Variants in PASD1 observed in about 807,000 individuals in gnomAD.
PASD1 encodes the protein circadian clock protein PASD1.
PASD1 carries 13 observed loss-of-function variants against 58.8 expected under a neutral mutation model. That is an observed-to-expected ratio of 0.22 (90% CI 0.14 to 0.35). The LOEUF is 0.35. Ranked by LOEUF, PASD1 falls within the 10% of genes least tolerant of loss-of-function variation. The pLI is 1.00. For synonymous variants in PASD1, 236 were observed against 216.7 expected, an observed-to-expected ratio of 1.09 and a Z score of -0.78; for missense variants, 734 against 568.3, an observed-to-expected ratio of 1.29 and a Z score of -2.96.
intron 1 of PASD1, among the ~76,000 whole-genome samples, chrX:151,573,727 G>A (rs2012960104): frequency 8.9e-6 from 1 of 112,281 alleles, no homozygotes; most frequent in Admixed American, 9.4e-5. Context: ...ATGAGCAAAG[G>A]CTGGGCAGTA....
intron 1 of PASD1, among the ~76,000 whole-genome samples, chrX:151,581,073 C>G (rs1015098379): frequency 4.6e-5 from 5 of 108,429 alleles, no homozygotes; most frequent in African/African-American, 1.7e-4. Flanking sequence ...ACAAAAAATA[C>G]AAAAATTAGC....
Position 151,669,547 on chromosome X carries a change from T to C in PASD1, c.1072-1491T>C, listed in dbSNP as rs770149255. 4.5e-3 allele frequency among the ~76,000 whole-genome samples: 498 copies of C among 110,808 alleles called. 2 individuals carry two copies. Among genetic ancestry groups the C allele is most frequent in the African/African-American group, 6.6e-3 (201 of 30,512 alleles). On this transcript the variant is annotated intron_variant, in intron 11 of 15. Coordinates refer to ENST00000370357, the MANE Select transcript of PASD1 (RefSeq NM_173493.3). ...AATCAACTTCTCTTCATCCCCCTCT[T>C]CCCCATTCCCTTCCTAGCCTCTGGT...
chrX:151,586,046 G>A (rs1340647655), intron 1 of PASD1, among the ~76,000 whole-genome samples: 1 of 111,573 alleles, frequency 9.0e-6, no homozygotes, highest in African/African-American at 3.3e-5. Flanking sequence ...GGAAGAGGAA[G>A]CAGATTGCTT....
chrX:151,576,375 T>C (rs2013006120), intron 1 of PASD1, among the ~76,000 whole-genome samples: 1 of 112,148 alleles, frequency 8.9e-6, no homozygotes, highest in Admixed American at 9.5e-5. Flanking sequence ...GCTTAAAGCA[T>C]AGGCCAAGAT....
intron 8 of PASD1, among the ~76,000 whole-genome samples, chrX:151,630,286 C>T (rs982670471): frequency 1.8e-5 from 2 of 111,666 alleles, no homozygotes; most frequent in Admixed American, 9.5e-5. Context: ...TGTTGGTGGA[C>T]CTGGCTGGCC....
At chrX:151,670,735 G>C (rs1479102753) in intron 11 of PASD1, among the ~76,000 whole-genome samples, 1 of 111,909 alleles carries the variant, frequency 8.9e-6, no homozygotes, top group Non-Finnish European at 1.9e-5. Flanking sequence ...AGAATACTTT[G>C]GCACTGGCCC....
intron 9 of PASD1, among the ~76,000 whole-genome samples, chrX:151,652,349 T>C (rs1458762073): frequency 9.1e-6 from 1 of 110,393 alleles, no homozygotes; most frequent in African/African-American, 3.3e-5. Flanking sequence ...CTGACCAATA[T>C]GGTGAAACCC....
At chrX:151,662,570 C>A (rs1243057963) in intron 10 of PASD1, among the ~76,000 whole-genome samples, 4 of 111,170 alleles carry the variant, frequency 3.6e-5, no homozygotes, top group Non-Finnish European at 7.5e-5. Context: ...GATGTCTATT[C>A]ATACTAACCC....
intron 11 of PASD1, among the ~76,000 whole-genome samples, chrX:151,670,345 T>A (rs1341505959): frequency 8.9e-6 from 1 of 112,021 alleles, no homozygotes; most frequent in Non-Finnish European, 1.9e-5. Flanking sequence ...CTCGGCTGCC[T>A]GAACCTGTAC....
intron 1 of PASD1, among the ~76,000 whole-genome samples, chrX:151,596,670 T>C (rs944205719): frequency 8.9e-6 from 1 of 112,545 alleles, no homozygotes; most frequent in African/African-American, 3.2e-5. Context: ...ACAGCAACCT[T>C]GCTGGACTAT....
At chrX:151,580,899 A>G (rs1484572685) in intron 1 of PASD1, among the ~76,000 whole-genome samples, 1 of 111,324 alleles carries the variant, frequency 9.0e-6, no homozygotes, top group African/African-American at 3.3e-5. Flanking sequence ...ATTGTTTACT[A>G]TACAGTAAAA....
chrX:151,599,713 C>T (rs887580857), intron 1 of PASD1, among the ~76,000 whole-genome samples: 11 of 108,101 alleles, frequency 1.0e-4, no homozygotes, highest in South Asian at 4.2e-4. Flanking sequence ...AATGGGCGGC[C>T]GGGCAGAGAC....
At chrX:151,564,034 G>A (rs747524342) in intron 1 of PASD1, among the ~76,000 whole-genome samples, 195 bp downstream of exon 1, 3 of 112,499 alleles carry the variant, frequency 2.7e-5, no homozygotes, top group South Asian at 3.7e-4. Context: ...GGGTGGCAGC[G>A]GGTAGCTGGG....
At chrX:151,653,148 G>A (rs2014154137) in intron 9 of PASD1, among the ~76,000 whole-genome samples, 1 of 107,506 alleles carries the variant, frequency 9.3e-6, no homozygotes, top group Non-Finnish European at 1.9e-5. Context: ...ATGAGAAGTG[G>A]TCAGATTCTG....
At chrX:151,612,160 A>G (rs373043172) in intron 4 of PASD1, among the ~76,000 whole-genome samples, 19,338 of 78,595 alleles carry the variant, frequency 0.25, 2,981 homozygotes, top group Middle Eastern at 0.28. Flanking sequence ...ATCCTTTTTT[A>G]TGGCTGCATA....
At chrX:151,568,085 A>C (rs754395738) in intron 1 of PASD1, among the ~76,000 whole-genome samples, 5 of 112,225 alleles carry the variant, frequency 4.5e-5, no homozygotes, top group African/African-American at 1.6e-4. Context: ...TTACACTGAA[A>C]CTTTACATTT....
Position 151,672,175 on chromosome X carries a change from C to T in PASD1, c.1438-8C>T, listed in dbSNP as rs188063315. ...CAGGGTGCTTTTATCTGTTGCCTTTCGATGCAGCAGCAACTGGTGCAGCAA... is the reference window on the plus strand; with the variant it reads ...CAGGGTGCTTTTATCTGTTGCCTTTTGATGCAGCAGCAACTGGTGCAGCAA... On this transcript the variant is annotated splice_region_variant and splice_polypyrimidine_tract_variant and intron_variant, in intron 13 of 15. Transcript: ENST00000370357. 5.6e-5 allele frequency: 64 copies of T among 1,140,995 alleles called. No homozygotes were observed. The highest frequency in any genetic ancestry group is 1.0e-4 in the South Asian group (5 of 48,608). The allele number at this position is 1,140,995 out of a possible 1,213,427, so 94.0% of individuals were successfully genotyped here.
At chrX:151,612,740 G>A (rs1461979651) in intron 4 of PASD1, among the ~76,000 whole-genome samples, 1 of 111,133 alleles carries the variant, frequency 9.0e-6, no homozygotes, top group Non-Finnish European at 1.9e-5. Flanking sequence ...TGAGTAGATT[G>A]CAAAAATTTT....
chrX:151,642,062 A>G (rs1361051824), intron 8 of PASD1, among the ~76,000 whole-genome samples: 1 of 112,309 alleles, frequency 8.9e-6, no homozygotes. Flanking sequence ...GGAAGCAGTC[A>G]CTCAGGAAGT....
Sources: allele counts gnomAD v4.1 joint callset (sites outside exome capture counted in the v4.1 genomes callset), GRCh38; gene constraint gnomAD v4.1.1; transcripts MANE v1.5; gene names NCBI Gene and HGNC (gene_info 2026-07-23, HGNC 2026-07-21).